Variants in ZCCHC7 observed in about 807,000 individuals in gnomAD.
ZCCHC7 encodes the protein zinc finger CCHC-type containing 7.
ZCCHC7 carries 35 observed loss-of-function variants against 52.0 expected under a neutral mutation model. The ratio of observed to expected loss-of-function variants is 0.67; its 90% CI spans 0.51 to 0.89. The LOEUF is 0.89. Among genes scored for constraint, ZCCHC7 ranks in the 40% least tolerant of loss-of-function variants. The pLI is 0.00. For synonymous variants in ZCCHC7, 217 were observed against 221.5 expected, an observed-to-expected ratio of 0.98 and a Z score of 0.18; for missense variants, 574 against 649.1, an observed-to-expected ratio of 0.88 and a Z score of 1.26.
At chr9:37,215,310 T>G (rs1351860186) in intron 2 of ZCCHC7, among the ~76,000 whole-genome samples, 1 of 152,164 alleles carries the variant, frequency 6.6e-6, no homozygotes, top group African/African-American at 2.4e-5. Context: ...CATTTTTAAT[T>G]TTCAGAACAC....
chr9:37,135,498 C>G (rs1260032776), intron 2 of ZCCHC7, among the ~76,000 whole-genome samples: 1 of 152,052 alleles, frequency 6.6e-6, no homozygotes, highest in Non-Finnish European at 1.5e-5. Context: ...ATATTAGTTC[C>G]TGGTTTATGA....
chr9:37,226,499 A>G (rs1825111444), intron 2 of ZCCHC7, among the ~76,000 whole-genome samples: 1 of 152,200 alleles, frequency 6.6e-6, no homozygotes, highest in Non-Finnish European at 1.5e-5. Flanking sequence ...AAACCGCAGG[A>G]TAGTATTGTG....
At chr9:37,245,998 T>C (rs1035232505) in intron 2 of ZCCHC7, among the ~76,000 whole-genome samples, 4 of 152,106 alleles carry the variant, frequency 2.6e-5, no homozygotes, top group African/African-American at 4.8e-5. Context: ...AAATCAAGAA[T>C]ATCTCAAAGA....
intron 2 of ZCCHC7, among the ~76,000 whole-genome samples, chr9:37,178,696 G>C (rs192680911): frequency 2.8e-4 from 42 of 152,282 alleles, no homozygotes; most frequent in Non-Finnish European, 4.9e-4. Flanking sequence ...GACGTATTTT[G>C]AGTTTACAGA....
chr9:37,178,334 C>T (rs921978048), intron 2 of ZCCHC7, among the ~76,000 whole-genome samples: 4 of 150,440 alleles, frequency 2.7e-5, no homozygotes, highest in Admixed American at 6.6e-5. Flanking sequence ...CACATCCCAG[C>T]GTCACATACC....
At chr9:37,326,878 T>C (rs758283080) in intron 5 of ZCCHC7, 3 of 152,110 alleles carry the variant, frequency 2.0e-5, no homozygotes, top group Non-Finnish European at 2.9e-5. Flanking sequence ...CATTCGCTTT[T>C]AAGAATCACC....
chr9:37,183,981 T>G (rs1822509275), intron 2 of ZCCHC7, among the ~76,000 whole-genome samples: 1 of 152,210 alleles, frequency 6.6e-6, no homozygotes, highest in Non-Finnish European at 1.5e-5. Context: ...AGCCCCTCCT[T>G]TCCCTGCACA....
chr9:37,120,653 C>T (rs1291395763), intron 1 of ZCCHC7, 30 bp downstream of exon 1: 5 of 392,184 alleles, frequency 1.3e-5, no homozygotes, highest in East Asian at 3.6e-5. Flanking sequence ...ACCCCCGCCG[C>T]CCGCGGCTCG....
chr9:37,268,405 G>GAA (rs1306069820), intron 2 of ZCCHC7, among the ~76,000 whole-genome samples: 2 of 136,276 alleles, frequency 1.5e-5, no homozygotes, highest in African/African-American at 2.7e-5. Flanking sequence ...TGTCCTCACA[G>GAA]AAAAAAAAAA....
intron 2 of ZCCHC7, among the ~76,000 whole-genome samples, chr9:37,161,007 T>C (rs953129705): frequency 2.0e-5 from 3 of 151,800 alleles, no homozygotes; most frequent in Non-Finnish European, 2.9e-5. Flanking sequence ...TGGAGTACAG[T>C]GGCACGATCT....
chr9:37,151,642 TA>T (rs1238119463), intron 2 of ZCCHC7, among the ~76,000 whole-genome samples: 1 of 151,962 alleles, frequency 6.6e-6, no homozygotes, highest in African/African-American at 2.4e-5. Flanking sequence ...CTGTTTCTAC[TA>T]AAAATACAAA....
chr9:37,340,648 C>T (rs1303325583), intron 6 of ZCCHC7, among the ~76,000 whole-genome samples: 2 of 152,106 alleles, frequency 1.3e-5, no homozygotes, highest in Admixed American at 1.3e-4. Context: ...AAAATAAAGA[C>T]ATGCTCCAAG....
rs573758488 is a variant in ZCCHC7, at chr9:37,131,809, G to C, written c.610+4867G>C. ...TGAGGTTGTTGATTAGCTTCCTGAG[G>C]CTCCATTGAGACTGTATATACGTGA... On this transcript the variant is annotated intron_variant, in intron 2 of 8. Coordinates refer to ENST00000336755, the MANE Select transcript of ZCCHC7 (RefSeq NM_032226.3). Among the ~76,000 whole-genome samples, 7 of 152,118 alleles carry C rather than the reference G, an allele frequency of 4.6e-5. No homozygotes were observed. In the East Asian group the frequency reaches 1.2e-3, roughly 25 times the overall value.
chr9:37,271,789 C>G (rs749207871), intron 2 of ZCCHC7, among the ~76,000 whole-genome samples: 2 of 152,164 alleles, frequency 1.3e-5, no homozygotes, highest in African/African-American at 2.4e-5. Flanking sequence ...AGGCTGGTCT[C>G]AAACTCCTGA....
At chr9:37,334,467 CTTG>C (rs1349780126) in intron 6 of ZCCHC7, among the ~76,000 whole-genome samples, 4 of 151,906 alleles carry the variant, frequency 2.6e-5, no homozygotes, top group African/African-American at 9.7e-5. Flanking sequence ...GACTCCTTGA[CTTG>C]TTAACATGAA....
At chr9:37,254,299 A>G (rs1182091155) in intron 2 of ZCCHC7, among the ~76,000 whole-genome samples, 1 of 152,070 alleles carries the variant, frequency 6.6e-6, no homozygotes, top group East Asian at 1.9e-4. Flanking sequence ...AATACTTTTG[A>G]AAGTTGGCTG....
At chr9:37,224,723 A>C (rs1315754507) in intron 2 of ZCCHC7, among the ~76,000 whole-genome samples, 1 of 152,190 alleles carries the variant, frequency 6.6e-6, no homozygotes, top group East Asian at 1.9e-4. Context: ...ATTTGTGGAT[A>C]AAATTACTAG....
intron 8 of ZCCHC7, among the ~76,000 whole-genome samples, chr9:37,355,944 T>G (rs145280431): frequency 3.3e-5 from 5 of 152,318 alleles, no homozygotes; most frequent in Non-Finnish European, 7.3e-5. Context: ...GTGCTTTCTG[T>G]TTTTTATGTT....
At chr9:37,240,147 C>A (rs962387691) in intron 2 of ZCCHC7, among the ~76,000 whole-genome samples, 9 of 151,368 alleles carry the variant, frequency 5.9e-5, no homozygotes, top group Non-Finnish European at 1.0e-4. Context: ...TCTGAATACT[C>A]CTCCTTATAA....
Sources: gnomAD v4.1 joint callset for allele counts (sites outside exome capture counted in the v4.1 genomes callset) on GRCh38, gnomAD v4.1.1 for gene constraint, MANE v1.5 for transcripts, NCBI Gene and HGNC (gene_info 2026-07-23, HGNC 2026-07-21) for gene names.